The following TNK1 variants were observed in gnomAD, a reference collection of about 807,000 sequenced individuals.
TNK1 encodes the protein tyrosine kinase non receptor 1, also known as non-receptor tyrosine-protein kinase TNK1.
Under a neutral mutation model 65.2 loss-of-function variants are expected in TNK1, and 53 were observed. The observed-to-expected ratio is 0.81, with a 90% CI of 0.65 to 1.02. The LOEUF (loss-of-function observed/expected upper bound fraction) is 1.02, where lower values mean the gene tolerates loss of function less well. Ranked by LOEUF, TNK1 falls within the 50% of genes least tolerant of loss-of-function variation. The pLI is 0.00. For synonymous variants in TNK1, 353 were observed against 364.6 expected (o/e 0.97, Z 0.36); for missense variants, 837 against 878.4 (o/e 0.95, Z 0.60).
At chr17:7,387,601 CTAT>C in intron 10 of TNK1, 144 bp downstream of exon 10, 165 of 510,676 alleles carry the variant, frequency 3.2e-4, no homozygotes, top group Middle Eastern at 4.5e-4. Context: ...ACTGTGCAAT[CTAT>C]TTTTTTTTTT....
Position 7,388,970 on chromosome 17 carries a change from G to A in TNK1, c.1873-1G>A, listed in dbSNP as rs193165089. 4 of 1,554,192 alleles carry A rather than the reference G, an allele frequency of 2.6e-6. No individual in the cohort carries two copies. The East Asian group carries it at 7.3e-5, about 28-fold the overall frequency. On this transcript the variant is annotated splice_acceptor_variant, in intron 12 of 12. Coordinates refer to ENST00000688331, the MANE Select transcript of TNK1 (RefSeq NM_003985.6). LOFTEE classifies it high-confidence loss of function. This position sits in a 1 kb window ranked among gnomAD's most constrained non-coding sequence, Gnocchi z 4.5. ...TGCAACCCACCCTCCTGCTTCCACA[G>A]GTAGATCAGCTCTTCCACCTGAGTA...
In TNK1 at chr17:7,388,872, C is replaced by A. The variant is rs372290061; in HGVS notation, c.1861C>A (p.Arg621=). The A allele has an allele frequency of 2.5e-6, 4 of 1,597,056 alleles. No individual in the cohort carries two copies. Among genetic ancestry groups the A allele is most frequent in the Non-Finnish European group, 1.7e-6 (2 of 1,171,794 alleles). Residue 621 remains arginine, a synonymous_variant, in exon 12 of 13, where the codon CGG becomes AGG. Transcript: ENST00000688331. This position sits in a 1 kb window ranked among gnomAD's most constrained non-coding sequence, Gnocchi z 4.5. ...ATGGDVVSAI[R]NLKVDQLFHL... is the part of the protein sequence containing the mutation. Reference sequence around the variant, plus strand: ...TGGGGGAGATGTGGTTTCTGCCATCCGGAACCTCAAGGTAAAGCCAGCCCC... The same window carrying A: ...TGGGGGAGATGTGGTTTCTGCCATCAGGAACCTCAAGGTAAAGCCAGCCCC...
At chr17:7,381,296 GT>G (rs1904797743) in intron 1 of TNK1, among the ~76,000 whole-genome samples, 182 bp downstream of exon 1, 3 of 152,142 alleles carry the variant, frequency 2.0e-5, no homozygotes, top group Admixed American at 2.0e-4. Flanking sequence ...GCAGGGCCGG[GT>G]CCCCCAGGGT....
At chr17:7,383,133 C>T (rs766813936) in intron 2 of TNK1, 44 bp downstream of exon 2, 3 of 1,612,436 alleles carry the variant, frequency 1.9e-6, no homozygotes, top group Non-Finnish European at 2.5e-6. Context: ...CTGTCCACAG[C>T]CTATCAGTTG....
Position 7,384,230 on chromosome 17 carries a change from G to A in TNK1, c.843G>A (p.Gly281=), listed in dbSNP as rs571924064. 2.7e-6 allele frequency: 4 copies of A among 1,505,414 alleles called. No individual in the cohort carries two copies. The highest frequency in any genetic ancestry group is 2.5e-5 in the South Asian group (2 of 79,970). 93.3% of individuals were successfully genotyped at this position (1,505,414 alleles called of 1,614,324 possible). A position where few individuals can be genotyped will look rare whatever the true frequency, so the allele number is the denominator to read the frequency against. ...CCCGGGGCCGCTACGTCATGGGCGG[G>A]CCCCGCCCTATCCCCTACGCCTGGT... is the stretch of plus-strand genomic sequence containing the variant. The part of the protein sequence containing the change: ...GGARGRYVMG[G]PRPIPYAWCA... Residue 281 remains glycine, a synonymous_variant, in exon 6 of 13, where the codon GGG becomes GGA. Transcript: ENST00000688331.
intron 2 of TNK1, 47 bp downstream of exon 2, chr17:7,383,136 A>G: frequency 6.2e-7 from 1 of 1,612,332 alleles, no homozygotes. Flanking sequence ...TCCACAGCCT[A>G]TCAGTTGCCT....
At position 7,386,638 on chromosome 17, in the gene TNK1, C is replaced by T; in HGVS notation, c.1215C>T (p.Ile405=). 1 of 1,594,566 alleles carries T rather than the reference C, an allele frequency of 6.3e-7. No individual in the cohort carries two copies. The highest frequency in any genetic ancestry group is 8.5e-7 in the Non-Finnish European group (1 of 1,170,496). Residue 405 remains isoleucine, a synonymous_variant, in exon 8 of 13, where the codon ATC becomes ATT. Coordinates refer to ENST00000688331, the MANE Select transcript of TNK1 (RefSeq NM_003985.6). The part of the protein sequence containing the change: ...GALRMETGDP[I]TVIEGSPDST... The stretch of plus-strand genomic sequence containing the variant: ...TGAGGATGGAGACTGGTGACCCCAT[C>T]ACAGTCATCGAGGGCAGGTGACAGT...
chr17:7,388,068 A>T lies in TNK1; in HGVS notation c.1478-338A>T, dbSNP rs1352216068. 6.6e-6 allele frequency among the ~76,000 whole-genome samples: 1 copy of T among 152,160 alleles called. No individual in the cohort carries two copies. The highest frequency in any genetic ancestry group is 2.1e-4 in the South Asian group (1 of 4,826). ...GTCCCACCTGACACATGAACCACCC[A>T]GGGACAGGGCTGGCTAGCTCATCTG... On this transcript the variant is annotated intron_variant, in intron 10 of 12. Coordinates refer to ENST00000688331, the MANE Select transcript of TNK1 (RefSeq NM_003985.6). The surrounding 1 kb of genome is among the most constrained non-coding windows in gnomAD (Gnocchi z 4.5).
chr17:7,386,866 G>T, intron 8 of TNK1, 124 bp from the exon 9 acceptor site: 1 of 1,337,814 alleles, frequency 7.5e-7, no homozygotes, highest in South Asian at 1.5e-5. Context: ...TAGGGAAAAG[G>T]CTTCCCTTCC....
chr17:7,385,606 CCT>C (rs1462115597), intron 7 of TNK1, among the ~76,000 whole-genome samples: 14 of 151,686 alleles, frequency 9.2e-5, no homozygotes, highest in Middle Eastern at 3.2e-3. Flanking sequence ...GCTCTGTCAC[CCT>C]AGCTGGAGTG....
At chr17:7,387,587 C>A in intron 10 of TNK1, 130 bp downstream of exon 10, 2 of 704,608 alleles carry the variant, frequency 2.8e-6, no homozygotes, top group Non-Finnish European at 4.4e-6. Flanking sequence ...GGCATCCTAG[C>A]TATACTGTGC....
Position 7,384,044 on chromosome 17 carries a change from G to T in TNK1, c.657G>T (p.Val219=). 1 of 1,525,644 alleles carries T rather than the reference G, an allele frequency of 6.6e-7. No homozygotes were observed. Among genetic ancestry groups the T allele is most frequent in the Non-Finnish European group, 8.8e-7 (1 of 1,141,928 alleles). 94.5% of individuals were successfully genotyped at this position (1,525,644 alleles called of 1,614,324 possible). ...CGGCCCCGACACCCCCGCTGCTCGT[G>T]GCCCTGCTCTGCCTCTTCCTGCGGC... ...TAPAPTPPLL[V]ALLCLFLRQL... The change falls in exon 6 of 13, where the codon GTG becomes GTT. Residue 219 remains valine (V), a synonymous_variant. Coordinates refer to ENST00000688331, the MANE Select transcript of TNK1 (RefSeq NM_003985.6).
chr17:7,387,698 G>A lies in TNK1; in HGVS notation c.1477+241G>A, dbSNP rs182397168. ...TGGCTCACCGCAACCTCCACCTCCC[G>A]GGTTCAAGCGATTCTCCTGCCTCAG... On this transcript the variant is annotated intron_variant, in intron 10 of 12. Transcript: ENST00000688331. 2.6e-3 allele frequency among the ~76,000 whole-genome samples: 399 copies of A among 150,958 alleles called. 3 individuals are homozygous for A. The highest frequency in any genetic ancestry group is 9.4e-3 in the African/African-American group (388 of 41,070).
In TNK1 at chr17:7,387,413, C is replaced by T. The variant is rs1266717663; in HGVS notation, c.1433C>T (p.Pro478Leu). 4 of 1,605,582 alleles carry T rather than the reference C, an allele frequency of 2.5e-6. No homozygotes were observed. The highest frequency in any genetic ancestry group is 2.6e-6 in the Non-Finnish European group (3 of 1,176,410). ...AAGGCAAATCTTTGGGATGCGCCCC[C>T]AGCACGGGGCCAGAGGAGGAACATG... ...RKKANLWDAPPARGQRRNMPL... is the reference protein window; with the variant it reads ...RKKANLWDAPLARGQRRNMPL... Residue 478 changes from proline (P) to leucine (L), a missense_variant, in exon 10 of 13, where the codon CCA (proline) becomes CTA (leucine). Coordinates refer to ENST00000688331, the MANE Select transcript of TNK1 (RefSeq NM_003985.6).
At chr17:7,387,198 T>G in intron 9 of TNK1, 44 bp downstream of exon 9, 1 of 1,527,116 alleles carries the variant, frequency 6.5e-7, no homozygotes, top group Non-Finnish European at 8.8e-7. Context: ...CTGGGAGAAC[T>G]GATGAGGTCC....
Position 7,382,266 on chromosome 17 carries a change from A to AC in TNK1, c.-91-570_-91-569insC, listed in dbSNP as rs1401480872. 4.8e-3 allele frequency among the ~76,000 whole-genome samples: 1 copy of AC among 208 alleles called. No individual in the cohort carries two copies. The highest frequency in any genetic ancestry group is 0.1 in the Admixed American group (1 of 10). The allele number at this position is 208 out of a possible 152,430, so 0.1% of individuals were successfully genotyped here. A position where few individuals can be genotyped will look rare whatever the true frequency, so the allele number is the denominator to read the frequency against. On this transcript the variant is annotated intron_variant, in intron 1 of 12. Coordinates refer to ENST00000688331, the MANE Select transcript of TNK1 (RefSeq NM_003985.6). This position sits in a 1 kb window ranked among gnomAD's most constrained non-coding sequence, Gnocchi z 4.1. ...AGATGACAGAGCGAGACTCCGTCTCAAAAAAAAAAAAAAAGAGGACATGTA... is the reference window on the plus strand; with the variant it reads ...AGATGACAGAGCGAGACTCCGTCTCACAAAAAAAAAAAAAAGAGGACATGTA...
In TNK1 at chr17:7,388,675, G is replaced by A. The variant is rs750427809; in HGVS notation, c.1747G>A (p.Asp583Asn). ...TGCCCTCTCTGGAGGCCTCTTGTCC[G>A]ATCCTGAGTTGCAGAGGAAGATTAT... Reference protein sequence around the residue: ...AAALSGGLLSDPELQRKIMEV... With the variant: ...AAALSGGLLSNPELQRKIMEV... Residue 583 changes from aspartate to asparagine, a missense_variant, in exon 11 of 13, where the codon GAT (aspartate) becomes AAT (asparagine). By Grantham distance (23) the Asp-to-Asn change is conservative (BLOSUM62 1). Coordinates refer to ENST00000688331, the MANE Select transcript of TNK1 (RefSeq NM_003985.6). This position sits in a 1 kb window ranked among gnomAD's most constrained non-coding sequence, Gnocchi z 4.5. The A allele has an allele frequency of 1.4e-5, 23 of 1,613,450 alleles. No homozygotes were observed. Among genetic ancestry groups the A allele is most frequent in the Admixed American group, 1.7e-5 (1 of 59,930 alleles).
chr17:7,380,292 T>TCTA (rs1246047924), upstream of TNK1, among the ~76,000 whole-genome samples: 1 of 152,122 alleles, frequency 6.6e-6, no homozygotes, highest in Admixed American at 6.5e-5. Context: ...ACAGACTAGA[T>TCTA]GTCCTAAGAC....
rs757897037 is a variant in TNK1 at position 7,382,967 on chromosome 17, T to G, written c.41T>G (p.Leu14Arg). The G allele has an allele frequency of 6.2e-7, 1 of 1,614,028 alleles. No individual in the cohort carries two copies. The highest frequency in any genetic ancestry group is 8.5e-7 in the Non-Finnish European group (1 of 1,179,898). Reference protein sequence around the residue: ...EAGSLWLLKLLRDIQLAQFYW... With the variant: ...EAGSLWLLKLRRDIQLAQFYW... ...GGCTCCCTGTGGCTACTGAAGCTGC[T>G]CCGGGACATCCAGTTGGCCCAGTTT... Residue 14 changes from leucine (L) to arginine (R), a missense_variant, in exon 2 of 13, where the codon CTC becomes CGC. Physicochemically the swap from Leu to Arg is moderately radical, Grantham distance 102. Transcript: ENST00000688331. This position sits in a 1 kb window ranked among gnomAD's most constrained non-coding sequence, Gnocchi z 4.1.
Sources: allele counts gnomAD v4.1 joint callset (sites outside exome capture counted in the v4.1 genomes callset), GRCh38; gene constraint gnomAD v4.1.1; non-coding constraint Gnocchi (gnomAD v3.1); transcripts MANE v1.5; gene names NCBI Gene and HGNC (gene_info 2026-07-23, HGNC 2026-07-21).